TMEM140: variants seen among roughly 807,000 people sequenced by gnomAD.
The protein encoded by TMEM140 is transmembrane protein 140.
For synonymous variants in TMEM140, 107 were observed against 106.8 expected (o/e 1.00, Z -0.01); for missense variants, 236 against 228.5 (o/e 1.03, Z -0.21).
chr7:135,150,882 T>C (rs964418584), intron 1 of TMEM140, among the ~76,000 whole-genome samples: 1 of 152,206 alleles, frequency 6.6e-6, no homozygotes, highest in Non-Finnish European at 1.5e-5. Flanking sequence ...AGATGGCTCA[T>C]TTGTAGACAT....
intron 1 of TMEM140, among the ~76,000 whole-genome samples, chr7:135,160,069 C>A (rs927420099): frequency 6.6e-6 from 1 of 152,170 alleles, no homozygotes; most frequent in South Asian, 2.1e-4. Flanking sequence ...GGAACCATTT[C>A]TAGTTCACAT....
intron 1 of TMEM140, among the ~76,000 whole-genome samples, chr7:135,153,331 G>A (rs145167951): frequency 0.068 from 10,354 of 151,912 alleles, 424 homozygotes; most frequent in East Asian, 0.19. Context: ...TCACGCACCT[G>A]TAGTCCTAGC....
rs1830058073 is a variant in TMEM140, at chr7:135,165,024, A to G, written c.*25A>G. ...AAGGCTTACGTGATTGCAAGGGTTC[A>G]GTTCCAACCATGGTCAGAGGTGGCA... On this transcript the variant is annotated 3_prime_UTR_variant, in exon 2 of 2. Coordinates refer to ENST00000275767, the MANE Select transcript of TMEM140 (RefSeq NM_018295.5). 6.5e-7 allele frequency: 1 copy of G among 1,541,690 alleles called. No individual in the cohort carries two copies. Among genetic ancestry groups the G allele is most frequent in the Middle Eastern group, 1.8e-4 (1 of 5,706 alleles).
intron 1 of TMEM140, among the ~76,000 whole-genome samples, chr7:135,157,237 A>G (rs1356594029): frequency 6.6e-6 from 1 of 152,168 alleles, no homozygotes; most frequent in Non-Finnish European, 1.5e-5. Context: ...TATAAGGGAG[A>G]ATTTTTTCCT....
At chr7:135,159,628 G>A (rs751451988) in intron 1 of TMEM140, among the ~76,000 whole-genome samples, 1 of 152,156 alleles carries the variant, frequency 6.6e-6, no homozygotes, top group Non-Finnish European at 1.5e-5. Context: ...GTGCAGCAAA[G>A]CATTATACTT....
intron 1 of TMEM140, among the ~76,000 whole-genome samples, chr7:135,157,436 C>A (rs1219617945): frequency 6.6e-6 from 1 of 152,228 alleles, no homozygotes. Context: ...AACTGAGCAG[C>A]CTTTGGACCC....
chr7:135,163,472 C>G (rs1030071115), intron 1 of TMEM140, among the ~76,000 whole-genome samples: 6 of 151,658 alleles, frequency 4.0e-5, no homozygotes, highest in African/African-American at 1.5e-4. Flanking sequence ...ATGGTGAAAC[C>G]CATCTCTACC....
At chr7:135,156,662 T>C (rs1829801602) in intron 1 of TMEM140, among the ~76,000 whole-genome samples, 2 of 152,212 alleles carry the variant, frequency 1.3e-5, no homozygotes, top group Admixed American at 1.3e-4. Context: ...TTGCACTTCA[T>C]TGAGCTTCTT....
intron 1 of TMEM140, among the ~76,000 whole-genome samples, chr7:135,162,537 C>T (rs943011884): frequency 7.2e-5 from 11 of 152,284 alleles, no homozygotes; most frequent in African/African-American, 2.6e-4. Context: ...TGGTGAAAGG[C>T]AAAGGAAGAG....
intron 1 of TMEM140, among the ~76,000 whole-genome samples, chr7:135,155,660 G>C (rs1360136310): frequency 1.3e-5 from 2 of 152,174 alleles, no homozygotes; most frequent in South Asian, 4.2e-4. Context: ...AGACCAACCG[G>C]GGCAAAATAG....
chr7:135,153,838 G>C (rs1829722294), intron 1 of TMEM140, among the ~76,000 whole-genome samples: 1 of 152,162 alleles, frequency 6.6e-6, no homozygotes, highest in African/African-American at 2.4e-5. Flanking sequence ...TTAGTATCAG[G>C]GTGACCCTGG....
chr7:135,148,297 A>G (rs1490770739), intron 1 of TMEM140, 27 bp downstream of exon 1: 1 of 354,362 alleles, frequency 2.8e-6, no homozygotes, highest in African/African-American at 2.1e-5. Flanking sequence ...CAAGCATCAC[A>G]GCTTACCCAG....
At chr7:135,163,268 G>A (rs1424666628) in intron 1 of TMEM140, among the ~76,000 whole-genome samples, 1 of 152,172 alleles carries the variant, frequency 6.6e-6, no homozygotes, top group African/African-American at 2.4e-5. Context: ...ATCAGTACAG[G>A]AAGAAAATAT....
At chr7:135,148,405 A>C in intron 1 of TMEM140, 135 bp downstream of exon 1, 1 of 297,276 alleles carries the variant, frequency 3.4e-6, no homozygotes. Context: ...AGTATCTGTG[A>C]CCCTCCCTCG....
chr7:135,150,490 GA>G (rs1299518356), intron 1 of TMEM140, among the ~76,000 whole-genome samples: 2 of 152,172 alleles, frequency 1.3e-5, no homozygotes, highest in Non-Finnish European at 2.9e-5. Flanking sequence ...CTGATTCAGG[GA>G]GTCATCCAAA....
At chr7:135,155,097 T>G (rs1399480875) in intron 1 of TMEM140, among the ~76,000 whole-genome samples, 1 of 152,208 alleles carries the variant, frequency 6.6e-6, no homozygotes, top group Non-Finnish European at 1.5e-5. Context: ...GACCTTATCT[T>G]TTTTCTTACT....
At chr7:135,156,822 C>T (rs1267061586) in intron 1 of TMEM140, among the ~76,000 whole-genome samples, 1 of 152,118 alleles carries the variant, frequency 6.6e-6, no homozygotes, top group Non-Finnish European at 1.5e-5. Flanking sequence ...TTGTAGCTCC[C>T]ATAATTCCCA....
At chr7:135,158,423 G>C (rs571438250) in intron 1 of TMEM140, among the ~76,000 whole-genome samples, 1 of 152,220 alleles carries the variant, frequency 6.6e-6, no homozygotes, top group Non-Finnish European at 1.5e-5. Flanking sequence ...TGAGACCAGA[G>C]AGGGAGGAGC....
Position 135,164,926 on chromosome 7 carries a change from T to C in TMEM140, c.485T>C (p.Ile162Thr). The change falls in exon 2 of 2, where the codon ATC becomes ACC. Residue 162 changes from isoleucine to threonine, a missense_variant. Physicochemically the swap from Ile to Thr is moderately conservative, Grantham distance 89. Transcript: ENST00000275767. ...LALGSAQALL[I>T]LLLIAMAVFP... is the part of the protein sequence containing the mutation. Reference sequence around the variant, plus strand: ...CTGGGCAGCGCCCAGGCCTTACTCATCCTCTTGCTTATAGCCATGGCTGTG... The same window carrying C: ...CTGGGCAGCGCCCAGGCCTTACTCACCCTCTTGCTTATAGCCATGGCTGTG... The C allele has an allele frequency of 6.2e-7, 1 of 1,613,992 alleles. No individual in the cohort carries two copies. Among genetic ancestry groups the C allele is most frequent in the African/African-American group, 1.3e-5 (1 of 75,030 alleles).
Sources: allele counts gnomAD v4.1 joint callset (sites outside exome capture counted in the v4.1 genomes callset), GRCh38; gene constraint gnomAD v4.1.1; transcripts MANE v1.5; gene names NCBI Gene and HGNC (gene_info 2026-07-23, HGNC 2026-07-21).